Variants in ADGB observed in about 807,000 individuals in gnomAD.
ADGB encodes androglobin.
A neutral mutation model predicts 210.5 loss-of-function variants in ADGB; 172 were observed. That is an observed-to-expected ratio of 0.82 (90% CI 0.72 to 0.93). The LOEUF is 0.93. Ranked by LOEUF, ADGB falls within the 40% of genes least tolerant of loss-of-function variation. ADGB has a pLI of 0.00. For missense variants in ADGB, 2,025 were observed against 1,964.8 expected (o/e 1.03, Z -0.58); for synonymous variants, 658 against 662.7 (o/e 0.99, Z 0.11).
chr6:146,797,516 T>C (rs777537314), intron 33 of ADGB, among the ~76,000 whole-genome samples: 3 of 151,900 alleles, frequency 2.0e-5, no homozygotes, highest in Non-Finnish European at 4.4e-5. Context: ...TATATATATA[T>C]ACATATATAC....
rs1447007286 is a variant in ADGB at position 146,769,166 on chromosome 6, C to T, written c.3862+35C>T. ...CCTAAATGTTTAAACATGCACTTTA[C>T]ATTTGAATAAGTTGATATTTAAATA... On this transcript the variant is annotated intron_variant, in intron 29 of 35. Transcript: ENST00000397944. 2.9e-6 allele frequency: 3 copies of T among 1,022,192 alleles called. No homozygotes were observed. In the Admixed American group the frequency reaches 6.7e-5, roughly 23 times the overall value. 63.3% of individuals were successfully genotyped at this position (1,022,192 alleles called of 1,614,324 possible). A position where few individuals can be genotyped will look rare whatever the true frequency, so the allele number is the denominator to read the frequency against.
Position 146,766,371 on chromosome 6 carries a change from G to T in ADGB, c.3750+2271G>T, listed in dbSNP as rs376625136. 2.0e-4 allele frequency among the ~76,000 whole-genome samples: 31 copies of T among 152,028 alleles called. No individual in the cohort carries two copies. The East Asian group carries it at 5.4e-3, about 27-fold the overall frequency. On this transcript the variant is annotated intron_variant, in intron 28 of 35. Transcript: ENST00000397944. ...GAACCTGGGAGGCGGAGGTTACAGC[G>T]AGCCGAGATTGTACCACTGCATTCC... is the stretch of plus-strand genomic sequence containing the variant.
At chr6:146,803,712 T>G (rs1583647357) in intron 35 of ADGB, 1 of 1,063,960 alleles carries the variant, frequency 9.4e-7, no homozygotes, top group Non-Finnish European at 1.4e-6. Flanking sequence ...GATGCCATAA[T>G]CTCTTAAGTA....
chr6:146,802,520 T>C (rs17090821), intron 35 of ADGB: 5,524 of 317,138 alleles, frequency 0.017, 263 homozygotes, highest in African/African-American at 0.11. Context: ...TGTTACCAAA[T>C]AACCATATAA....
At chr6:146,662,677 G>A (rs984419634) in intron 5 of ADGB, among the ~76,000 whole-genome samples, 6 of 151,686 alleles carry the variant, frequency 4.0e-5, no homozygotes, top group East Asian at 3.9e-4. Context: ...TGGTATGATA[G>A]GTAATTTTAT....
At chr6:146,604,704 A>G (rs1258148195) in intron 1 of ADGB, among the ~76,000 whole-genome samples, 1 of 152,190 alleles carries the variant, frequency 6.6e-6, no homozygotes, top group Non-Finnish European at 1.5e-5. Flanking sequence ...AGGAATTCTG[A>G]AACATGATGC....
Position 146,635,399 on chromosome 6 carries a change from A to G in ADGB, c.99A>G (p.Val33=). 1 of 1,541,398 alleles carries G rather than the reference A, an allele frequency of 6.5e-7. No homozygotes were observed. Among genetic ancestry groups the G allele is most frequent in the Admixed American group, 2.0e-5 (1 of 49,536 alleles). The part of the protein sequence containing the change: ...SKDFYPFGSN[V]QSGSTEQKKG... Reference sequence around the variant, plus strand: ...GTTTCTATCCTTTTGGCAGTAATGTACAATCTGGTTCTACTGAACAAAAGA... The same window carrying G: ...GTTTCTATCCTTTTGGCAGTAATGTGCAATCTGGTTCTACTGAACAAAAGA... The change falls in exon 2 of 36, where the codon GTA becomes GTG. Residue 33 remains valine (V), a synonymous_variant. Transcript: ENST00000397944.
intron 22 of ADGB, among the ~76,000 whole-genome samples, chr6:146,734,894 C>T (rs12198388): frequency 0.19 from 29,093 of 151,926 alleles, 3,408 homozygotes; most frequent in Middle Eastern, 0.3. Context: ...CTAGCCTGGG[C>T]GACAGGGTGA....
At chr6:146,780,714 T>C (rs1777785981) in intron 29 of ADGB, among the ~76,000 whole-genome samples, 1 of 152,018 alleles carries the variant, frequency 6.6e-6, no homozygotes, top group Admixed American at 6.5e-5. Flanking sequence ...CTGACAGAAT[T>C]GAAAGAAGAA....
At chr6:146,645,247 C>T (rs1048314084) in intron 3 of ADGB, among the ~76,000 whole-genome samples, 2 of 151,926 alleles carry the variant, frequency 1.3e-5, no homozygotes, top group African/African-American at 4.8e-5. Context: ...CATTAATATT[C>T]CAGCCCAAGA....
At chr6:146,599,806 G>A (rs1464277650) in intron 1 of ADGB, among the ~76,000 whole-genome samples, 1 of 152,236 alleles carries the variant, frequency 6.6e-6, no homozygotes, top group East Asian at 1.9e-4. Flanking sequence ...GTTATCCACA[G>A]CATAGGATTG....
At chr6:146,611,230 G>A (rs2226068) in intron 1 of ADGB, among the ~76,000 whole-genome samples, 85,974 of 151,388 alleles carry the variant, frequency 0.57, 24,551 homozygotes, top group Admixed American at 0.64. Context: ...AGGTGAGGCC[G>A]GGCAGGGACT....
In ADGB at chr6:146,721,454, A is replaced by G. The variant is rs747723024; in HGVS notation, c.2044A>G (p.Ile682Val). ...YYLFVDSLKP[I>V]ELLVCFSALV... is the part of the protein sequence containing the mutation. ...TCTATTTGTAGATAGTCTAAAACCT[A>G]TTGAACTACTGGTTTGCTTTTCTGC... Residue 682 changes from isoleucine (I) to valine (V), a missense_variant, in exon 17 of 36, where the codon ATT (isoleucine) becomes GTT (valine). Ile to Val is a conservative substitution (Grantham distance 29). Transcript: ENST00000397944. The G allele has an allele frequency of 3.3e-5, 51 of 1,551,206 alleles. No homozygotes were observed. Among genetic ancestry groups the G allele is most frequent in the Non-Finnish European group, 4.2e-5 (48 of 1,146,696 alleles).
At chr6:146,655,517 T>A (rs1003759891) in intron 4 of ADGB, among the ~76,000 whole-genome samples, 10 of 152,174 alleles carry the variant, frequency 6.6e-5, no homozygotes, top group Admixed American at 5.9e-4. Flanking sequence ...CAAGAACTTT[T>A]AAAAATTATT....
chr6:146,693,131 C>A (rs1776354669), intron 12 of ADGB, among the ~76,000 whole-genome samples: 1 of 152,094 alleles, frequency 6.6e-6, no homozygotes, highest in South Asian at 2.1e-4. Flanking sequence ...TTACTAATTT[C>A]TTGTGTGTGT....
Position 146,726,098 on chromosome 6 carries a change from C to T in ADGB, c.2253C>T (p.Leu751=). 1.9e-6 allele frequency: 3 copies of T among 1,539,486 alleles called. No homozygotes were observed. Among genetic ancestry groups the T allele is most frequent in the Non-Finnish European group, 1.8e-6 (2 of 1,137,424 alleles). The change falls in exon 19 of 36, where the codon CTC becomes CTT. Residue 751 remains leucine (L), a synonymous_variant. Transcript: ENST00000397944. The stretch of plus-strand genomic sequence containing the variant: ...TTCTCTTTAGGAGACACATGCTACT[C>T]TTCAACGCATACTCCCCAGTAGGAC... ...VRLPVGRHML[L]FNAYSPVGHS...
chr6:146,707,809 A>T lies in ADGB; in HGVS notation c.1707+6739A>T, dbSNP rs1171320114. On this transcript the variant is annotated intron_variant, in intron 13 of 35. Transcript: ENST00000397944. ...ACATTTTGCCACTCTATGCCTTTTG[A>T]TTGGAGAATCTAATCCATTTACATT... Among the ~76,000 whole-genome samples, 3 of 151,996 alleles carry T rather than the reference A, an allele frequency of 2.0e-5. No homozygotes were observed. The East Asian group carries it at 5.8e-4, about 29-fold the overall frequency.
At chr6:146,617,963 G>A (rs1250670662) in intron 1 of ADGB, among the ~76,000 whole-genome samples, 1 of 152,008 alleles carries the variant, frequency 6.6e-6, no homozygotes, top group Non-Finnish European at 1.5e-5. Context: ...CTGAGTGAAA[G>A]CCTTACCAAT....
At chr6:146,715,509 C>A in intron 14 of ADGB, 94 bp downstream of exon 14, 1 of 817,452 alleles carries the variant, frequency 1.2e-6, no homozygotes, top group Non-Finnish European at 1.8e-6. Context: ...TGGCTCTCAG[C>A]AGCCTTTCTT....
Sources: gnomAD v4.1 joint callset for allele counts (sites outside exome capture counted in the v4.1 genomes callset) on GRCh38, gnomAD v4.1.1 for gene constraint, MANE v1.5 for transcripts, NCBI Gene and HGNC (gene_info 2026-07-23, HGNC 2026-07-21) for gene names.